FRMD4A: variants seen among roughly 807,000 people sequenced by gnomAD.
The protein encoded by FRMD4A is FERM domain-containing protein 4A.
In FRMD4A, 29 loss-of-function variants were observed where a neutral mutation model predicts 129.1. The ratio of observed to expected loss-of-function variants is 0.22; its 90% CI spans 0.17 to 0.31. The LOEUF (loss-of-function observed/expected upper bound fraction) is 0.31. FRMD4A is among the 10% of genes least tolerant of loss of function. The pLI is 1.00. For missense variants in FRMD4A, 1,272 were observed against 1,375.8 expected, an observed-to-expected ratio of 0.92 and a Z score of 1.19; for synonymous variants, 634 against 571.6, an observed-to-expected ratio of 1.11 and a Z score of -1.56.
intron 12 of FRMD4A, among the ~76,000 whole-genome samples, chr10:13,721,737 G>C (rs2089430275): frequency 2.0e-5 from 3 of 152,194 alleles, no homozygotes; most frequent in Admixed American, 2.0e-4. Flanking sequence ...TCTACCTCGG[G>C]GATGGGCAAG....
chr10:13,899,502 A>T (rs539067771), intron 2 of FRMD4A, among the ~76,000 whole-genome samples: 1 of 152,282 alleles, frequency 6.6e-6, no homozygotes, highest in South Asian at 2.1e-4. Flanking sequence ...GGATGTAAAA[A>T]GGTGAAGTGG....
intron 2 of FRMD4A, among the ~76,000 whole-genome samples, chr10:14,284,437 A>C (rs1269962287): frequency 6.6e-6 from 1 of 152,182 alleles, no homozygotes; most frequent in Non-Finnish European, 1.5e-5. Flanking sequence ...TCACGAGATC[A>C]GGACATCAAG....
At chr10:13,655,951 TTTTG>T (rs1452537588) in intron 22 of FRMD4A, 2 of 152,166 alleles carry the variant, frequency 1.3e-5, no homozygotes, top group Non-Finnish European at 2.9e-5. Context: ...TTCCTTTTTT[TTTTG>T]TTTTTTACTT....
At chr10:14,198,292 G>A (rs1201681785) in intron 2 of FRMD4A, among the ~76,000 whole-genome samples, 3 of 152,190 alleles carry the variant, frequency 2.0e-5, no homozygotes, top group African/African-American at 4.8e-5. Flanking sequence ...GGATGTTCCC[G>A]CCCACATGAC....
At chr10:14,272,457 A>G (rs573594988) in intron 2 of FRMD4A, among the ~76,000 whole-genome samples, 1 of 152,282 alleles carries the variant, frequency 6.6e-6, no homozygotes, top group Admixed American at 6.5e-5. Flanking sequence ...GTGAAAGATG[A>G]CGAAATGGAG....
intron 2 of FRMD4A, among the ~76,000 whole-genome samples, chr10:14,150,005 G>GT (rs1299768654): frequency 1.4e-4 from 22 of 152,160 alleles, no homozygotes; most frequent in African/African-American, 7.2e-5. Flanking sequence ...GAAGGTGAAG[G>GT]GGGAGCAAGC....
chr10:13,650,282 C>T (rs148686545), intron 24 of FRMD4A, among the ~76,000 whole-genome samples: 10 of 152,224 alleles, frequency 6.6e-5, no homozygotes, highest in African/African-American at 2.4e-4. Context: ...TGAACAGTCC[C>T]ACAGTTGGTC....
At chr10:14,229,009 G>T (rs139495385) in intron 2 of FRMD4A, among the ~76,000 whole-genome samples, 176 of 152,136 alleles carry the variant, frequency 1.2e-3, no homozygotes, top group Middle Eastern at 6.8e-3. Context: ...GAGCCCTGCT[G>T]GAATGACCTG....
At chr10:14,179,949 G>A (rs1269191542) in intron 2 of FRMD4A, among the ~76,000 whole-genome samples, 2 of 152,160 alleles carry the variant, frequency 1.3e-5, no homozygotes, top group African/African-American at 4.8e-5. Flanking sequence ...CAGGAGAATC[G>A]CTTGAATCCA....
intron 6 of FRMD4A, among the ~76,000 whole-genome samples, chr10:13,775,999 T>C (rs1463693178): frequency 1.3e-5 from 2 of 152,242 alleles, no homozygotes; most frequent in African/African-American, 2.4e-5. Flanking sequence ...GTCACGATAA[T>C]GTCATGCTTA....
chr10:14,252,359 A>G (rs1158457750), intron 2 of FRMD4A, among the ~76,000 whole-genome samples: 2 of 152,234 alleles, frequency 1.3e-5, no homozygotes, highest in African/African-American at 4.8e-5. Flanking sequence ...ACAAAAGGAC[A>G]TTATTAAGAA....
At chr10:14,191,561 A>G (rs554902545) in intron 2 of FRMD4A, among the ~76,000 whole-genome samples, 1 of 152,346 alleles carries the variant, frequency 6.6e-6, no homozygotes, top group East Asian at 1.9e-4. Flanking sequence ...TCATGTGACT[A>G]CACAAGAGAA....
At chr10:14,185,613 A>G (rs1011776643) in intron 2 of FRMD4A, among the ~76,000 whole-genome samples, 5 of 139,534 alleles carry the variant, frequency 3.6e-5, no homozygotes, top group Non-Finnish European at 6.4e-5. Context: ...AGAGACAGAA[A>G]GGGGATATAT....
At chr10:13,977,498 T>C (rs1156643544) in intron 2 of FRMD4A, among the ~76,000 whole-genome samples, 1 of 152,230 alleles carries the variant, frequency 6.6e-6, no homozygotes, top group African/African-American at 2.4e-5. Flanking sequence ...AAATACCTTA[T>C]TGAGATATAA....
chr10:13,933,854 G>A (rs771629787), intron 2 of FRMD4A, among the ~76,000 whole-genome samples: 2 of 152,206 alleles, frequency 1.3e-5, no homozygotes, highest in Non-Finnish European at 2.9e-5. Context: ...CAGGGGGCAG[G>A]TGGTGAAACA....
chr10:14,275,658 T>G (rs781635954), intron 2 of FRMD4A, among the ~76,000 whole-genome samples: 2 of 152,220 alleles, frequency 1.3e-5, no homozygotes, highest in African/African-American at 4.8e-5. Context: ...CATGAGATGG[T>G]CAAGGTGGTT....
At position 13,858,877 on chromosome 10, in the gene FRMD4A, A is replaced by T. The variant is rs765149068; in HGVS notation, c.81T>A (p.Leu27=). The T allele has an allele frequency of 6.2e-6, 10 of 1,607,122 alleles. No homozygotes were observed. In the Admixed American group the frequency reaches 1.0e-4, roughly 16 times the overall value. Residue 27 remains leucine (L), a synonymous_variant, in exon 3 of 25, where the codon CTT becomes CTA. Coordinates refer to ENST00000357447, the MANE Select transcript of FRMD4A (RefSeq NM_018027.5). ...TEGRRCQVHL[L]DDRKLELLVQ... is the part of the protein sequence containing the mutation. ...CTAGGAGTTCCAGCTTCCTGTCATC[A>T]AGAAGATGTACTTGACATCGGCGGC...
At chr10:13,942,989 G>A (rs2131313766) in intron 2 of FRMD4A, among the ~76,000 whole-genome samples, 1 of 152,246 alleles carries the variant, frequency 6.6e-6, no homozygotes, top group South Asian at 2.1e-4. Flanking sequence ...CTTGAGAGAA[G>A]CAAGACGTCT....
chr10:13,956,371 T>C (rs1307293661), intron 2 of FRMD4A, among the ~76,000 whole-genome samples: 2 of 152,172 alleles, frequency 1.3e-5, no homozygotes, highest in African/African-American at 4.8e-5. Flanking sequence ...AGGCTGGTCT[T>C]GAACTCCTGA....
Sources: gnomAD v4.1 joint callset for allele counts (sites outside exome capture counted in the v4.1 genomes callset) on GRCh38, gnomAD v4.1.1 for gene constraint, MANE v1.5 for transcripts, NCBI Gene and HGNC (gene_info 2026-07-23, HGNC 2026-07-21) for gene names.